Variants in RIMS2 observed in about 807,000 individuals in gnomAD.
The protein encoded by RIMS2 is regulating synaptic membrane exocytosis protein 2.
In RIMS2, 59 loss-of-function variants were observed where a neutral mutation model predicts 174.4. The observed-to-expected ratio is 0.34, with a 90% CI of 0.27 to 0.42. The LOEUF is 0.42. RIMS2 is among the 10% of genes least tolerant of loss of function. The probability of loss-of-function intolerance (pLI) is 1.00; values close to 1 mark genes in which losing one functional copy is unlikely to be tolerated. For synonymous variants in RIMS2, 606 were observed against 572.5 expected (o/e 1.06, Z -0.84); for missense variants, 1,620 against 1,666.3 (o/e 0.97, Z 0.48).
At position 103,681,849 on chromosome 8, in the gene RIMS2, A is replaced by G. The variant is rs2096884144; in HGVS notation, c.177-15237A>G. ...AAGCATGGATGTGAGTAGCCTAACT[A>G]GGAGACTATTCTCTAGATTAGGTGG... On this transcript the variant is annotated intron_variant, in intron 1 of 23. Transcript: ENST00000504942. Among the ~76,000 whole-genome samples, 4 of 152,114 alleles carry G rather than the reference A, an allele frequency of 2.6e-5. 1 individual carries two copies. The South Asian group carries it at 8.3e-4, about 31-fold the overall frequency.
At chr8:103,539,615 G>A (rs748400464) in intron 1 of RIMS2, among the ~76,000 whole-genome samples, 4 of 152,212 alleles carry the variant, frequency 2.6e-5, no homozygotes, top group East Asian at 1.9e-4. Context: ...GCTCCACAGA[G>A]CATACAGGCA....
chr8:104,043,011 A>G (rs1296819961), intron 19 of RIMS2, among the ~76,000 whole-genome samples: 1 of 151,652 alleles, frequency 6.6e-6, no homozygotes, highest in Non-Finnish European at 1.5e-5. Flanking sequence ...TATTCATGAA[A>G]GAAGAGAATT....
intron 19 of RIMS2, among the ~76,000 whole-genome samples, chr8:104,047,594 A>G (rs2096716184): frequency 6.6e-6 from 1 of 152,132 alleles, no homozygotes; most frequent in South Asian, 2.1e-4. Flanking sequence ...AACACATGAA[A>G]ACTGTGTCCA....
At chr8:103,961,585 A>G (rs1037308265) in intron 15 of RIMS2, among the ~76,000 whole-genome samples, 10 of 152,120 alleles carry the variant, frequency 6.6e-5, no homozygotes, top group African/African-American at 2.4e-4. Context: ...AAATTATAGT[A>G]TTGTAGTTTA....
At chr8:104,218,501 T>C (rs1270613859) in intron 19 of RIMS2, among the ~76,000 whole-genome samples, 1 of 152,182 alleles carries the variant, frequency 6.6e-6, no homozygotes, top group Non-Finnish European at 1.5e-5. Context: ...GGGCATTACA[T>C]TTATTGTGCA....
chr8:103,998,907 C>G (rs2095261841), intron 17 of RIMS2, among the ~76,000 whole-genome samples: 1 of 151,742 alleles, frequency 6.6e-6, no homozygotes, highest in Non-Finnish European at 1.5e-5. Context: ...AGGGAAATCT[C>G]AGTTACCTGG....
At chr8:104,045,543 G>T (rs932249277) in intron 19 of RIMS2, among the ~76,000 whole-genome samples, 5 of 151,718 alleles carry the variant, frequency 3.3e-5, no homozygotes, top group Non-Finnish European at 7.4e-5. Flanking sequence ...CAAATTTTTA[G>T]AATTACTTCC....
intron 3 of RIMS2, among the ~76,000 whole-genome samples, chr8:103,848,519 T>G (rs929830904): frequency 7.9e-5 from 12 of 152,044 alleles, no homozygotes; most frequent in African/African-American, 2.7e-4. Flanking sequence ...TGTCTGGTCT[T>G]ATGATTTGGT....
chr8:103,666,591 T>C (rs994511681), intron 1 of RIMS2, among the ~76,000 whole-genome samples: 1 of 152,156 alleles, frequency 6.6e-6, no homozygotes, highest in Non-Finnish European at 1.5e-5. Context: ...AATGTCCTGT[T>C]TTCAAGAGAG....
chr8:103,704,481 T>C (rs554984741), intron 2 of RIMS2, among the ~76,000 whole-genome samples: 1 of 152,192 alleles, frequency 6.6e-6, no homozygotes, highest in Admixed American at 6.5e-5. Context: ...ACTAGCCTCA[T>C]AGAATGAGTT....
intron 1 of RIMS2, among the ~76,000 whole-genome samples, chr8:103,567,629 G>T (rs751268899): frequency 5.9e-5 from 9 of 152,140 alleles, no homozygotes; most frequent in Non-Finnish European, 1.2e-4. Flanking sequence ...GAACATTTAT[G>T]TACAAGTTTT....
At chr8:104,077,924 C>T (rs1469735236) in intron 19 of RIMS2, among the ~76,000 whole-genome samples, 6 of 151,762 alleles carry the variant, frequency 4.0e-5, no homozygotes, top group Admixed American at 1.3e-4. Context: ...AGGTGGATTG[C>T]CTGAGGTCAG....
intron 19 of RIMS2, among the ~76,000 whole-genome samples, chr8:104,112,336 G>T (rs187477459): frequency 2.0e-4 from 30 of 151,968 alleles, no homozygotes; most frequent in Admixed American, 1.9e-3. Flanking sequence ...CATTTGTAGG[G>T]TGCTTTTCTG....
At chr8:103,723,927 A>T (rs561731134) in intron 2 of RIMS2, among the ~76,000 whole-genome samples, 2 of 152,112 alleles carry the variant, frequency 1.3e-5, no homozygotes, top group Admixed American at 6.5e-5. Context: ...GCCAGGAGGG[A>T]TGGCCTGGTG....
chr8:104,155,708 G>A (rs904872129), intron 19 of RIMS2, among the ~76,000 whole-genome samples: 1 of 151,918 alleles, frequency 6.6e-6, no homozygotes, highest in Non-Finnish European at 1.5e-5. Flanking sequence ...CCACTGCGCC[G>A]GCCTTGGGGG....
chr8:104,133,831 T>C (rs2098494606), intron 19 of RIMS2, among the ~76,000 whole-genome samples: 1 of 152,200 alleles, frequency 6.6e-6, no homozygotes, highest in Admixed American at 6.5e-5. Flanking sequence ...CTTCAGCAAC[T>C]AGGTAAATAG....
intron 1 of RIMS2, among the ~76,000 whole-genome samples, chr8:103,612,507 G>T (rs1035756516): frequency 2.6e-5 from 4 of 152,188 alleles, no homozygotes; most frequent in Non-Finnish European, 5.9e-5. Flanking sequence ...ACTCATACAG[G>T]TACCACTTTG....
chr8:103,687,770 T>C (rs547718432), intron 1 of RIMS2, among the ~76,000 whole-genome samples: 43 of 152,292 alleles, frequency 2.8e-4, no homozygotes, highest in Non-Finnish European at 5.1e-4. Flanking sequence ...TATTTGTCTT[T>C]CTGTGCCTGG....
At chr8:104,062,122 T>A in intron 19 of RIMS2, among the ~76,000 whole-genome samples, 1 of 152,118 alleles carries the variant, frequency 6.6e-6, no homozygotes, top group South Asian at 2.1e-4. Context: ...TTCATTAAAA[T>A]TGGTCAGGCG....
Sources: gnomAD v4.1 joint callset for allele counts (sites outside exome capture counted in the v4.1 genomes callset) on GRCh38, gnomAD v4.1.1 for gene constraint, MANE v1.5 for transcripts, NCBI Gene and HGNC (gene_info 2026-07-23, HGNC 2026-07-21) for gene names.